CDK14: variants seen among roughly 807,000 people sequenced by gnomAD.
CDK14 encodes cyclin dependent kinase 14.
Under a neutral mutation model 60.7 loss-of-function variants are expected in CDK14, and 34 were observed. The observed-to-expected ratio is 0.56, with a 90% CI of 0.43 to 0.75. The LOEUF (loss-of-function observed/expected upper bound fraction) is 0.75, where lower values mean the gene tolerates loss of function less well. CDK14 is among the 30% of genes least tolerant of loss of function. CDK14 has a pLI of 0.00. For synonymous variants in CDK14, 197 were observed against 203.7 expected, an observed-to-expected ratio of 0.97 and a Z score of 0.28; for missense variants, 482 against 564.1, an observed-to-expected ratio of 0.85 and a Z score of 1.47.
chr7:91,008,104 G>A (rs1439513815), intron 10 of CDK14, among the ~76,000 whole-genome samples: 2 of 141,066 alleles, frequency 1.4e-5, no homozygotes, highest in African/African-American at 5.4e-5. Context: ...GCCTAGAAAT[G>A]GGAGCCAGTG....
intron 14 of CDK14, among the ~76,000 whole-genome samples, chr7:91,159,828 G>A (rs1801112452): frequency 6.6e-6 from 1 of 152,182 alleles, no homozygotes; most frequent in Non-Finnish European, 1.5e-5. Flanking sequence ...TATGGCCATG[G>A]TGGTGTTTAT....
intron 12 of CDK14, among the ~76,000 whole-genome samples, chr7:91,100,903 C>T (rs896126641): frequency 2.0e-5 from 3 of 152,204 alleles, no homozygotes; most frequent in Non-Finnish European, 2.9e-5. Context: ...GGCTCTTCAA[C>T]ACTTTCTGTA....
At chr7:90,946,098 G>A (rs555228723) in intron 8 of CDK14, among the ~76,000 whole-genome samples, 7 of 152,132 alleles carry the variant, frequency 4.6e-5, no homozygotes, top group Admixed American at 3.9e-4. Flanking sequence ...CAGAACTTTG[G>A]GCCTCAGTTT....
intron 2 of CDK14, among the ~76,000 whole-genome samples, chr7:90,679,850 A>G (rs1801279834): frequency 6.6e-6 from 1 of 152,292 alleles, no homozygotes; most frequent in East Asian, 1.9e-4. Flanking sequence ...CTTTTGCTAT[A>G]TAGATTTATA....
At chr7:91,100,344 T>C (rs2116311520) in intron 12 of CDK14, among the ~76,000 whole-genome samples, 1 of 152,296 alleles carries the variant, frequency 6.6e-6, no homozygotes, top group African/African-American at 2.4e-5. Flanking sequence ...TGGGGAAGAT[T>C]GCAAAAGGAA....
intron 14 of CDK14, among the ~76,000 whole-genome samples, chr7:91,185,125 T>A (rs928891294): frequency 2.7e-5 from 4 of 145,758 alleles, no homozygotes; most frequent in African/African-American, 5.1e-5. Flanking sequence ...GTCCCAGACA[T>A]AATTCTAGAC....
chr7:90,821,278 T>C (rs1789537989), intron 5 of CDK14, among the ~76,000 whole-genome samples: 1 of 151,704 alleles, frequency 6.6e-6, no homozygotes, highest in Non-Finnish European at 1.5e-5. Context: ...GCAGAGAGAG[T>C]TGACCCACAT....
At chr7:90,997,610 G>C (rs1584213570) in intron 10 of CDK14, among the ~76,000 whole-genome samples, 1 of 152,102 alleles carries the variant, frequency 6.6e-6, no homozygotes, top group South Asian at 2.1e-4. Context: ...CTATCAATTT[G>C]CTCTAAGTAA....
intron 5 of CDK14, among the ~76,000 whole-genome samples, chr7:90,805,568 T>C (rs1788792920): frequency 6.6e-6 from 1 of 152,050 alleles, no homozygotes; most frequent in Non-Finnish European, 1.5e-5. Flanking sequence ...GGGATAAATC[T>C]AACAAAACAT....
Position 90,749,410 on chromosome 7 carries a change from G to T in CDK14, c.464+1635G>T, listed in dbSNP as rs1584854299. ...TTGCAGACATCCAGGTGCAGGAGGG[G>T]CCCTTTCTGCTTTACATCCAGGCAG... On this transcript the variant is annotated intron_variant, in intron 4 of 14. Transcript: ENST00000380050. 2.0e-5 allele frequency among the ~76,000 whole-genome samples: 3 copies of T among 152,098 alleles called. No individual in the cohort carries two copies. In the South Asian group the frequency reaches 6.2e-4, roughly 31 times the overall value.
At chr7:91,131,799 G>A (rs528693775) in intron 14 of CDK14, among the ~76,000 whole-genome samples, 6 of 152,234 alleles carry the variant, frequency 3.9e-5, no homozygotes, top group Non-Finnish European at 8.8e-5. Flanking sequence ...CTGTTCATTT[G>A]TCTTCCTTCC....
intron 5 of CDK14, among the ~76,000 whole-genome samples, chr7:90,851,607 G>T (rs1032630867): frequency 1.3e-5 from 2 of 152,086 alleles, no homozygotes; most frequent in Non-Finnish European, 2.9e-5. Context: ...AACCCAAACT[G>T]TCCAGGAGTC....
At chr7:90,864,732 ATGT>A (rs1371011094) in intron 6 of CDK14, among the ~76,000 whole-genome samples, 2 of 152,168 alleles carry the variant, frequency 1.3e-5, no homozygotes, top group East Asian at 3.9e-4. Flanking sequence ...TTTTGTATTT[ATGT>A]TGTTGCCAAA....
At chr7:90,791,704 G>A (rs1337989037) in intron 5 of CDK14, among the ~76,000 whole-genome samples, 1 of 152,048 alleles carries the variant, frequency 6.6e-6, no homozygotes, top group Non-Finnish European at 1.5e-5. Flanking sequence ...AGCGGAAACT[G>A]TTCTTATAAA....
chr7:90,710,572 T>C (rs1294192381), intron 2 of CDK14: 3 of 984,124 alleles, frequency 3.0e-6, no homozygotes, highest in Non-Finnish European at 3.6e-6. Flanking sequence ...GTCAGTGTGC[T>C]GGTATTTTGC....
intron 2 of CDK14, among the ~76,000 whole-genome samples, chr7:90,646,611 CTGCTTCCAGACATTTTCTT>C (rs556255908): frequency 1.6e-4 from 24 of 152,256 alleles, no homozygotes; most frequent in African/African-American, 5.1e-4. Context: ...ATTTTAAAAA[CTGCTTCCAGACATTTTCTT>C]TGCCTATGGG....
chr7:90,977,342 A>G (rs968967462), intron 9 of CDK14, among the ~76,000 whole-genome samples: 1 of 152,102 alleles, frequency 6.6e-6, no homozygotes, highest in Non-Finnish European at 1.5e-5. Flanking sequence ...TGAAGAGACA[A>G]GAGAAAAGTC....
chr7:90,978,377 C>T lies in CDK14; in HGVS notation c.948-5771C>T, dbSNP rs979485886. On this transcript the variant is annotated intron_variant, in intron 9 of 14. Transcript: ENST00000380050. ...CTCTCCTTTTGTCGATATAGGGGCA[C>T]GTATGTAGGGTATGAGTAGAAAGAA... is the stretch of plus-strand genomic sequence containing the variant. Among the ~76,000 whole-genome samples, 14 of 151,844 alleles carry T rather than the reference C, an allele frequency of 9.2e-5. No individual in the cohort carries two copies. In the South Asian group the frequency reaches 2.1e-3, roughly 23 times the overall value.
chr7:90,955,407 G>A (rs1363272161), intron 8 of CDK14, among the ~76,000 whole-genome samples: 2 of 152,212 alleles, frequency 1.3e-5, no homozygotes, highest in African/African-American at 4.8e-5. Flanking sequence ...AGACTTCTAA[G>A]CTCCTGTGTT....
Sources: gnomAD v4.1 joint callset for allele counts (sites outside exome capture counted in the v4.1 genomes callset) on GRCh38, gnomAD v4.1.1 for gene constraint, MANE v1.5 for transcripts, NCBI Gene and HGNC (gene_info 2026-07-23, HGNC 2026-07-21) for gene names.